ARMH4: variants seen among roughly 807,000 people sequenced by gnomAD.
ARMH4 encodes armadillo like helical domain containing 4, also known as armadillo-like helical domain-containing protein 4.
ARMH4 carries 49 observed loss-of-function variants against 61.9 expected under a neutral mutation model. That is an observed-to-expected ratio of 0.79 (90% confidence interval 0.63 to 1.00). The LOEUF (loss-of-function observed/expected upper bound fraction) is 1.00, where lower values mean the gene tolerates loss of function less well. Among genes scored for constraint, ARMH4 ranks in the 50% least tolerant of loss-of-function variants. The probability of loss-of-function intolerance (pLI) is 0.00; values close to 1 mark genes in which losing one functional copy is unlikely to be tolerated. For missense variants in ARMH4, 934 were observed against 930.0 expected (o/e 1.00, Z -0.06); for synonymous variants, 368 against 341.5 (o/e 1.08, Z -0.85).
chr14:58,147,187 CCTCCT>C (rs1460338785), intron 1 of ARMH4, among the ~76,000 whole-genome samples: 1 of 152,018 alleles, frequency 6.6e-6, no homozygotes. Context: ...CGCTGTGGAT[CCTCCT>C]CTCATAATCT....
intron 5 of ARMH4, among the ~76,000 whole-genome samples, chr14:58,044,782 C>T (rs1430962329): frequency 6.6e-6 from 1 of 151,908 alleles, no homozygotes; most frequent in Non-Finnish European, 1.5e-5. Flanking sequence ...AAAAACAACC[C>T]CATCAAAAAG....
At chr14:58,087,406 G>C (rs1024443261) in intron 5 of ARMH4, among the ~76,000 whole-genome samples, 1 of 152,146 alleles carries the variant, frequency 6.6e-6, no homozygotes, top group Non-Finnish European at 1.5e-5. Context: ...GGGGTTAGCT[G>C]AGTGCTCTGG....
rs561950952 is a variant in ARMH4, at chr14:58,139,302, G to A, written c.57C>T (p.Phe19=). 43 of 1,614,040 alleles carry A rather than the reference G, an allele frequency of 2.7e-5. No individual in the cohort carries two copies. Among genetic ancestry groups the A allele is most frequent in the Non-Finnish European group, 3.6e-5 (42 of 1,180,040 alleles). ...ICLAFCSLLL[F]SVATQCLAFP... The stretch of plus-strand genomic sequence containing the variant: ...AGGCCAGACATTGTGTGGCAACGCT[G>A]AAAAGCAGAAGGCTACAGAAAGCCA... Residue 19 remains phenylalanine (F), a synonymous_variant, in exon 2 of 8, where the codon TTC becomes TTT. Coordinates refer to ENST00000267485, the MANE Select transcript of ARMH4 (RefSeq NM_001001872.4).
chr14:58,103,456 G>A (rs1886068120), intron 4 of ARMH4, among the ~76,000 whole-genome samples: 1 of 151,972 alleles, frequency 6.6e-6, no homozygotes, highest in Non-Finnish European at 1.5e-5. Context: ...CTTGGTCTTG[G>A]ACCCCTCAGC....
At chr14:58,123,454 C>A (rs937269910) in intron 4 of ARMH4, among the ~76,000 whole-genome samples, 1 of 152,142 alleles carries the variant, frequency 6.6e-6, no homozygotes, top group African/African-American at 2.4e-5. Flanking sequence ...CTAGTGAAAT[C>A]ATGCAATAGC....
At position 58,005,156 on chromosome 14, in the gene ARMH4, C is replaced by T. The variant is rs762427255; in HGVS notation, c.2148G>A (p.Val716=). ...DKAGYMSGML[V]PVGVGIAGAL... ...CTCCAGCTATCCCAACCCCTACAGG[C>T]ACCAGCATCCCAGACATGTAACCAG... is the stretch of plus-strand genomic sequence containing the variant. The change falls in exon 7 of 8, where the codon GTG becomes GTA. Residue 716 remains valine, a synonymous_variant. Transcript: ENST00000267485. 7.4e-6 allele frequency: 12 copies of T among 1,613,840 alleles called. No homozygotes were observed. The African/African-American group carries it at 1.5e-4, about 20-fold the overall frequency.
chr14:58,044,355 G>A (rs1322670945), intron 5 of ARMH4, among the ~76,000 whole-genome samples: 1 of 152,130 alleles, frequency 6.6e-6, no homozygotes, highest in Admixed American at 6.5e-5. Context: ...ACAAAAACAA[G>A]AAATGGGGAA....
In ARMH4 at chr14:58,133,093, C is replaced by T. The variant is rs552079842; in HGVS notation, c.1618G>A (p.Glu540Lys). Residue 540 changes from glutamate to lysine, a missense_variant, in exon 3 of 8, where the codon GAA becomes AAA. Physicochemically the swap from Glu to Lys is moderately conservative, Grantham distance 56. Transcript: ENST00000267485. ...TCCAATATCCTCCCTTACAGACCTT[C>T]CACAGTGGGAGTAACTTCAAAAGAC... ...PLSFEVTPTV[E>K]EQMDTVTGPN... 158 of 1,614,166 alleles carry T rather than the reference C, an allele frequency of 9.8e-5. No homozygotes were observed. The East Asian group carries it at 2.4e-3, about 24-fold the overall frequency.
In ARMH4 at chr14:58,138,630, T is replaced by C. The variant is rs1441588512; in HGVS notation, c.729A>G (p.Ala243=). The C allele has an allele frequency of 1.2e-6, 2 of 1,614,056 alleles. No homozygotes were observed. The highest frequency in any genetic ancestry group is 2.7e-5 in the African/African-American group (2 of 74,950). Residue 243 remains alanine (A), a synonymous_variant, in exon 2 of 8, where the codon GCA becomes GCG. Coordinates refer to ENST00000267485, the MANE Select transcript of ARMH4 (RefSeq NM_001001872.4). ...TTSFPGAEST[A]GSEPGSLTPD... is the part of the protein sequence containing the mutation. ...GGGTGAGGCTTCCAGGCTCACTGCC[T>C]GCTGTGGACTCAGCACCAGGAAAAG... is the stretch of plus-strand genomic sequence containing the variant.
At chr14:58,025,104 C>G (rs1454874840) in intron 5 of ARMH4, among the ~76,000 whole-genome samples, 1 of 152,044 alleles carries the variant, frequency 6.6e-6, no homozygotes, top group East Asian at 1.9e-4. Flanking sequence ...TTGCCACGAA[C>G]CCTCAATTTT....
At chr14:58,052,455 A>T (rs1424692735) in intron 5 of ARMH4, among the ~76,000 whole-genome samples, 2 of 151,290 alleles carry the variant, frequency 1.3e-5, no homozygotes, top group East Asian at 3.9e-4. Flanking sequence ...CTGCCTCCTG[A>T]CTTCAGAGCT....
intron 4 of ARMH4, among the ~76,000 whole-genome samples, chr14:58,099,838 C>A (rs1885896142): frequency 6.6e-6 from 1 of 152,136 alleles, no homozygotes; most frequent in Non-Finnish European, 1.5e-5. Flanking sequence ...GACTCTGAAG[C>A]CACACAAATT....
intron 2 of ARMH4, among the ~76,000 whole-genome samples, chr14:58,136,360 C>G (rs368938023): frequency 3.3e-5 from 5 of 152,162 alleles, no homozygotes; most frequent in Admixed American, 3.3e-4. Context: ...ACTTAATGCT[C>G]CAAAAGTAAA....
chr14:58,116,162 TA>T (rs1886512729), intron 4 of ARMH4: 2 of 153,228 alleles, frequency 1.3e-5, no homozygotes, highest in Admixed American at 1.3e-4. Context: ...ACTCCATTAT[TA>T]ATCTATAAAA....
At chr14:58,077,584 G>T (rs1271885728) in intron 5 of ARMH4, among the ~76,000 whole-genome samples, 1 of 152,214 alleles carries the variant, frequency 6.6e-6, no homozygotes, top group African/African-American at 2.4e-5. Flanking sequence ...TCCAGCCTGG[G>T]TGACAGACTG....
intron 5 of ARMH4, among the ~76,000 whole-genome samples, chr14:58,028,695 T>G (rs1883106972): frequency 6.6e-6 from 1 of 152,180 alleles, no homozygotes; most frequent in Non-Finnish European, 1.5e-5. Context: ...ATGGCTGCAG[T>G]GCAGGAGGCC....
intron 5 of ARMH4, among the ~76,000 whole-genome samples, chr14:58,095,335 G>C (rs572126277): frequency 6.6e-6 from 1 of 152,126 alleles, no homozygotes; most frequent in Non-Finnish European, 1.5e-5. Flanking sequence ...GTCACTTTAC[G>C]TGTAGATTTG....
intron 4 of ARMH4, among the ~76,000 whole-genome samples, chr14:58,130,521 T>C (rs1224605370): frequency 2.6e-5 from 4 of 152,232 alleles, no homozygotes; most frequent in African/African-American, 4.8e-5. Context: ...TTCTGCACTA[T>C]AAATCTCTGG....
chr14:58,016,030 TA>T, intron 5 of ARMH4, among the ~76,000 whole-genome samples: 1 of 151,738 alleles, frequency 6.6e-6, no homozygotes, highest in East Asian at 1.9e-4. Context: ...TTTTCAAAGG[TA>T]AAGAGGTGGA....
Sources: gnomAD v4.1 joint callset for allele counts (sites outside exome capture counted in the v4.1 genomes callset) on GRCh38, gnomAD v4.1.1 for gene constraint, MANE v1.5 for transcripts, NCBI Gene and HGNC (gene_info 2026-07-23, HGNC 2026-07-21) for gene names.